Variants in SPAG9 observed in about 807,000 individuals in gnomAD.
SPAG9 encodes the protein sperm associated antigen 9.
In SPAG9, 35 loss-of-function variants were observed where a neutral mutation model predicts 166.5. The ratio of observed to expected loss-of-function variants is 0.21; its 90% confidence interval spans 0.16 to 0.28. The LOEUF (loss-of-function observed/expected upper bound fraction) is 0.28, where lower values mean the gene tolerates loss of function less well. Among genes scored for constraint, SPAG9 ranks in the 10% least tolerant of loss-of-function variants. The probability of loss-of-function intolerance (pLI) is 1.00; values close to 1 mark genes in which losing one functional copy is unlikely to be tolerated. For synonymous variants in SPAG9, 534 were observed against 565.5 expected (o/e 0.94, Z 0.79); for missense variants, 1,235 against 1,603.3 (o/e 0.77, Z 3.92).
intron 6 of SPAG9, among the ~76,000 whole-genome samples, chr17:51,022,905 G>A (rs1385050774): frequency 2.0e-5 from 3 of 149,098 alleles, no homozygotes; most frequent in African/African-American, 4.9e-5. Flanking sequence ...AGCTGAGATC[G>A]CATCCAGTCT....
chr17:51,103,597 T>A (rs1392501284), intron 1 of SPAG9, among the ~76,000 whole-genome samples: 1 of 152,182 alleles, frequency 6.6e-6, no homozygotes, highest in East Asian at 1.9e-4. Flanking sequence ...CAAGGTCTTG[T>A]ATGTTAGGAA....
chr17:51,082,095 G>A (rs1378942544), intron 1 of SPAG9, among the ~76,000 whole-genome samples: 3 of 152,066 alleles, frequency 2.0e-5, no homozygotes, highest in East Asian at 3.9e-4. Flanking sequence ...TGTGATACCA[G>A]GCCAGGCATG....
At chr17:50,980,015 C>G (rs574776747) in intron 25 of SPAG9, 98 bp from the exon 26 acceptor site, 1 of 1,037,252 alleles carries the variant, frequency 9.6e-7, no homozygotes, top group South Asian at 1.5e-5. Context: ...TATTAAAAGA[C>G]AAGCCCAAAT....
chr17:50,971,910 G>C (rs1451149077), intron 28 of SPAG9, among the ~76,000 whole-genome samples: 2 of 152,114 alleles, frequency 1.3e-5, no homozygotes, highest in African/African-American at 4.8e-5. Flanking sequence ...TGCGATTACA[G>C]GTGCCTGCCA....
At position 51,061,612 on chromosome 17, in the gene SPAG9, C is replaced by CAAAAAAAA. The variant is rs34010166; in HGVS notation, c.425-5138_425-5131dup. ...GCAACAAGAGCGAAAGCTCTGTCTC[C>CAAAAAAAA]AAAAAAAAAAAAAAAAAAAAAAAAA... On this transcript the variant is annotated intron_variant, in intron 2 of 29. Transcript: ENST00000262013. Among the ~76,000 whole-genome samples the CAAAAAAAA allele has an allele frequency of 8.2e-4, 26 of 31,726 alleles. 1 individual carries two copies. The highest frequency in any genetic ancestry group is 1.1e-3 in the Admixed American group (2 of 1,862). 20.8% of individuals were successfully genotyped at this position (31,726 alleles called of 152,430 possible).
Position 51,094,841 on chromosome 17 carries a change from T to C in SPAG9, c.304-15137A>G, listed in dbSNP as rs140229546. ...GTGATGATCCTATAATGGAATACTA[T>C]AAAACCATTAAAAATATATAGCTAT... On this transcript the variant is annotated intron_variant, in intron 1 of 29. Coordinates refer to ENST00000262013, the MANE Select transcript of SPAG9 (RefSeq NM_001130528.3). 5.3e-5 allele frequency among the ~76,000 whole-genome samples: 8 copies of C among 152,324 alleles called. No individual in the cohort carries two copies. In the East Asian group the frequency reaches 5.8e-4, roughly 11 times the overall value.
intron 13 of SPAG9, among the ~76,000 whole-genome samples, chr17:51,001,486 T>C (rs2044947469): frequency 6.6e-6 from 1 of 152,306 alleles, no homozygotes; most frequent in Non-Finnish European, 1.5e-5. Context: ...GTAATAATAA[T>C]TGCCTTTTAG....
intron 1 of SPAG9, among the ~76,000 whole-genome samples, chr17:51,115,830 A>G (rs564270224): frequency 6.7e-6 from 1 of 148,880 alleles, no homozygotes; most frequent in African/African-American, 2.5e-5. Flanking sequence ...CTCCATCTCA[A>G]AAAAAAAGAA....
intron 2 of SPAG9, among the ~76,000 whole-genome samples, chr17:51,062,514 T>C (rs895532544): frequency 7.9e-5 from 12 of 152,204 alleles, no homozygotes; most frequent in Non-Finnish European, 1.3e-4. Context: ...TGTCACATAG[T>C]GGGAATCATA....
chr17:51,077,028 A>AGC (rs1268813866), intron 2 of SPAG9, among the ~76,000 whole-genome samples: 17 of 81,466 alleles, frequency 2.1e-4, no homozygotes, highest in African/African-American at 6.3e-4. Context: ...CTATCTAGCT[A>AGC]TCTATCTAGC....
At position 51,120,181 on chromosome 17, in the gene SPAG9, C is replaced by T. The variant is rs1280816867; in HGVS notation, c.303+173G>A. Among the ~76,000 whole-genome samples, 1 of 152,234 alleles carries T rather than the reference C, an allele frequency of 6.6e-6. No individual in the cohort carries two copies. Among genetic ancestry groups the T allele is most frequent in the East Asian group, 1.9e-4 (1 of 5,192 alleles). On this transcript the variant is annotated intron_variant, in intron 1 of 29. Coordinates refer to ENST00000262013, the MANE Select transcript of SPAG9 (RefSeq NM_001130528.3). The surrounding 1 kb of genome is among the most constrained non-coding windows in gnomAD (Gnocchi z 4.7). ...AGTAGCCGGCCTCGGCTTCCAACGCCGGCCTGGCTCCCGGGGTACCTGGAG... is the reference window on the plus strand; with the variant it reads ...AGTAGCCGGCCTCGGCTTCCAACGCTGGCCTGGCTCCCGGGGTACCTGGAG...
At chr17:51,017,271 G>A (rs2045738139) in intron 8 of SPAG9, among the ~76,000 whole-genome samples, 1 of 152,190 alleles carries the variant, frequency 6.6e-6, no homozygotes. Context: ...ATGCCTTAGG[G>A]CATTAGGACT....
chr17:50,989,504 A>G (rs917662794), intron 21 of SPAG9, 173 bp downstream of exon 21: 3 of 676,600 alleles, frequency 4.4e-6, no homozygotes, highest in African/African-American at 3.6e-5. Context: ...GGGGGGGAAT[A>G]TCCAGCGAGA....
At chr17:51,049,142 GT>G (rs1321152193) in intron 3 of SPAG9, among the ~76,000 whole-genome samples, 1 of 152,114 alleles carries the variant, frequency 6.6e-6, no homozygotes, top group Non-Finnish European at 1.5e-5. Context: ...ACTTTGGGAG[GT>G]AGGAGGTTTG....
At chr17:51,016,374 G>A (rs939703433) in intron 8 of SPAG9, 1 of 152,182 alleles carries the variant, frequency 6.6e-6, no homozygotes, top group African/African-American at 2.4e-5. Context: ...TGATAGTGAG[G>A]GCATATTCCA....
intron 29 of SPAG9, among the ~76,000 whole-genome samples, chr17:50,967,279 A>G (rs1288548315): frequency 1.3e-5 from 2 of 152,230 alleles, no homozygotes; most frequent in South Asian, 2.1e-4. Context: ...CTAAAAACAT[A>G]CACACCACAG....
chr17:51,086,229 G>A (rs997436361), intron 1 of SPAG9, among the ~76,000 whole-genome samples: 5 of 151,814 alleles, frequency 3.3e-5, no homozygotes, highest in African/African-American at 1.2e-4. Flanking sequence ...ATCTGCCTGC[G>A]TCGGCCTCCC....
intron 1 of SPAG9, among the ~76,000 whole-genome samples, chr17:51,118,445 C>T (rs1300290221): frequency 6.6e-6 from 1 of 152,144 alleles, no homozygotes; most frequent in Non-Finnish European, 1.5e-5. Context: ...GCACGTGTGA[C>T]CCTGGCATTT....
Position 50,970,702 on chromosome 17 carries a change from C to CA in SPAG9, c.3850+4dup. 6.2e-7 allele frequency: 1 copy of CA among 1,613,230 alleles called. No homozygotes were observed. Among genetic ancestry groups the CA allele is most frequent in the South Asian group, 1.1e-5 (1 of 91,048 alleles). On this transcript the variant is annotated splice_donor_region_variant and intron_variant, in intron 29 of 29. Coordinates refer to ENST00000262013, the MANE Select transcript of SPAG9 (RefSeq NM_001130528.3). ...CAAACTGAGCACCCAGAACCAATGACATACCCATTCGGAAGTCGATGTAGC... is the reference window on the plus strand; with the variant it reads ...CAAACTGAGCACCCAGAACCAATGACAATACCCATTCGGAAGTCGATGTAGC...
Sources: allele counts gnomAD v4.1 joint callset (sites outside exome capture counted in the v4.1 genomes callset), GRCh38; gene constraint gnomAD v4.1.1; non-coding constraint Gnocchi (gnomAD v3.1); transcripts MANE v1.5; gene names NCBI Gene and HGNC (gene_info 2026-07-23, HGNC 2026-07-21).